The following KIAA1958 variants were observed in gnomAD, a reference collection of about 807,000 sequenced individuals.
The protein encoded by KIAA1958 is KIAA1958, also known as uncharacterized protein KIAA1958.
KIAA1958 carries 14 observed loss-of-function variants against 47.2 expected under a neutral mutation model. The ratio of observed to expected loss-of-function variants is 0.30; its 90% CI spans 0.20 to 0.46. The LOEUF (loss-of-function observed/expected upper bound fraction) is 0.46, where lower values mean the gene tolerates loss of function less well. Among genes scored for constraint, KIAA1958 ranks in the 20% least tolerant of loss-of-function variants. The probability of loss-of-function intolerance (pLI) is 1.00; values close to 1 mark genes in which losing one functional copy is unlikely to be tolerated. For synonymous variants in KIAA1958, 354 were observed against 353.3 expected (o/e 1.00, Z -0.02); for missense variants, 803 against 909.2 (o/e 0.88, Z 1.50).
rs562312214 is a variant in KIAA1958 at position 112,585,603 on chromosome 9, G to C, written c.1171+10352G>C. 9.9e-5 allele frequency among the ~76,000 whole-genome samples: 15 copies of C among 152,280 alleles called. No homozygotes were observed. In the South Asian group the frequency reaches 3.1e-3, roughly 32 times the overall value. On this transcript the variant is annotated intron_variant, in intron 2 of 3. Transcript: ENST00000337530. ...GGGGAAGTAGAGGCTGGGACAGGAG[G>C]GCTGTTTTATAGGGTGACAGTAATC...
At chr9:112,577,722 C>A (rs1835671537) in intron 2 of KIAA1958, among the ~76,000 whole-genome samples, 1 of 150,458 alleles carries the variant, frequency 6.6e-6, no homozygotes, top group Non-Finnish European at 1.5e-5. Context: ...TTTGCTAAAC[C>A]ATATATGAAT....
In KIAA1958 at chr9:112,574,376, T is replaced by TTGA; in HGVS notation, c.297_299dup (p.Val99_Glu100insAsp). 1 of 1,614,148 alleles carries TTGA rather than the reference T, an allele frequency of 6.2e-7. No homozygotes were observed. Among genetic ancestry groups the TTGA allele is most frequent in the Non-Finnish European group, 8.5e-7 (1 of 1,180,012 alleles). ...CCCTCTGAGACACAGACTAGCCCTG[T>TTGA]TGAAAGGTACCCTGGGAGACCAGTG... On this transcript the variant is annotated inframe_insertion, in exon 2 of 4. Coordinates refer to ENST00000337530, the MANE Select transcript of KIAA1958 (RefSeq NM_133465.4).
intron 2 of KIAA1958, among the ~76,000 whole-genome samples, chr9:112,605,387 T>C (rs1238992238): frequency 6.6e-6 from 1 of 152,144 alleles, no homozygotes; most frequent in Admixed American, 6.6e-5. Context: ...GCCTCTGACC[T>C]CCTGCTTCCA....
intron 2 of KIAA1958, among the ~76,000 whole-genome samples, chr9:112,614,639 A>C (rs1468081585): frequency 2.0e-5 from 3 of 152,296 alleles, no homozygotes; most frequent in African/African-American, 7.2e-5. Context: ...CAACCTCTTC[A>C]TGTAGCTCAT....
chr9:112,581,608 T>C (rs1318298272), intron 2 of KIAA1958, among the ~76,000 whole-genome samples: 3 of 152,142 alleles, frequency 2.0e-5, no homozygotes, highest in Non-Finnish European at 1.5e-5. Context: ...TAGAGCCTTA[T>C]TTCCCTCACT....
chr9:112,564,959 A>G (rs1835402873), intron 1 of KIAA1958, among the ~76,000 whole-genome samples: 1 of 152,050 alleles, frequency 6.6e-6, no homozygotes, highest in Non-Finnish European at 1.5e-5. Flanking sequence ...TCAAATTAGA[A>G]TTATTGATAA....
intron 1 of KIAA1958, among the ~76,000 whole-genome samples, chr9:112,550,341 A>T (rs951261582): frequency 1.3e-5 from 2 of 152,170 alleles, no homozygotes; most frequent in South Asian, 4.1e-4. Flanking sequence ...GAATCTATGT[A>T]AGGGAGGATA....
chr9:112,570,092 GTTC>G (rs758524135), intron 1 of KIAA1958, among the ~76,000 whole-genome samples: 4 of 152,220 alleles, frequency 2.6e-5, no homozygotes, highest in Non-Finnish European at 4.4e-5. Flanking sequence ...GCATGTGCTA[GTTC>G]TTCTGTGTTA....
At chr9:112,621,607 A>G (rs955108521) in intron 2 of KIAA1958, among the ~76,000 whole-genome samples, 1 of 152,174 alleles carries the variant, frequency 6.6e-6, no homozygotes, top group African/African-American at 2.4e-5. Context: ...ACAAATTGGG[A>G]ATGTGAATTA....
rs1316669776 is a variant in KIAA1958, at chr9:112,630,087, T to TG, written c.1172-15557dup. On this transcript the variant is annotated intron_variant, in intron 2 of 3. Coordinates refer to ENST00000337530, the MANE Select transcript of KIAA1958 (RefSeq NM_133465.4). ...GTGCAGTGTTTCTCACCACTGAAGT[T>TG]GGGGGGAAGCCCTGGAAGGGGAAGC... Among the ~76,000 whole-genome samples the TG allele has an allele frequency of 9.2e-5, 14 of 152,194 alleles. 1 individual carries two copies. The East Asian group carries it at 2.7e-3, about 29-fold the overall frequency.
At chr9:112,584,542 A>G (rs998975381) in intron 2 of KIAA1958, among the ~76,000 whole-genome samples, 13 of 152,236 alleles carry the variant, frequency 8.5e-5, no homozygotes, top group African/African-American at 2.4e-4. Context: ...TTTATGGACA[A>G]GGAATTTGAG....
chr9:112,523,466 A>AAATG (rs1166102737), intron 1 of KIAA1958, among the ~76,000 whole-genome samples: 2 of 151,774 alleles, frequency 1.3e-5, no homozygotes, highest in African/African-American at 4.8e-5. Flanking sequence ...ATAAATAAAT[A>AAATG]AAGCACCAAC....
chr9:112,612,820 AT>A (rs1380554726), intron 2 of KIAA1958, among the ~76,000 whole-genome samples: 5 of 152,218 alleles, frequency 3.3e-5, no homozygotes, highest in African/African-American at 1.2e-4. Context: ...AGGGATACCC[AT>A]TGCAGTGTTG....
At chr9:112,606,142 G>A (rs1423418054) in intron 2 of KIAA1958, among the ~76,000 whole-genome samples, 1 of 152,142 alleles carries the variant, frequency 6.6e-6, no homozygotes, top group Non-Finnish European at 1.5e-5. Context: ...GGGAGAGCAG[G>A]TATCAAGGAT....
At chr9:112,598,813 G>T (rs1464794174) in intron 2 of KIAA1958, among the ~76,000 whole-genome samples, 1 of 152,154 alleles carries the variant, frequency 6.6e-6, no homozygotes, top group Non-Finnish European at 1.5e-5. Flanking sequence ...GCTCACACCT[G>T]TAATCCTAGC....
chr9:112,512,589 C>G (rs1404068831), intron 1 of KIAA1958, among the ~76,000 whole-genome samples: 1 of 152,136 alleles, frequency 6.6e-6, no homozygotes. Context: ...TCAGATGACT[C>G]TGTCTCATCC....
At chr9:112,526,000 T>TCCTTCTCCTTCTTCTCCTTCTTCTCC (rs1491126829) in intron 1 of KIAA1958, among the ~76,000 whole-genome samples, 1 of 2,202 alleles carries the variant, frequency 4.5e-4, no homozygotes, top group Non-Finnish European at 7.8e-4. Flanking sequence ...CTTCTTCTTC[T>TCCTTCTCCTTCTTCTCCTTCTTCTCC]TTTTTTTTTT....
intron 2 of KIAA1958, among the ~76,000 whole-genome samples, chr9:112,641,327 C>CTTTTT (rs1230148640): frequency 9.8e-6 from 1 of 101,988 alleles, no homozygotes; most frequent in Non-Finnish European, 2.0e-5. Context: ...GAGACTATGT[C>CTTTTT]TTTTTTTTTT....
At chr9:112,617,883 G>A (rs948448977) in intron 2 of KIAA1958, 9 of 1,547,878 alleles carry the variant, frequency 5.8e-6, no homozygotes, top group Non-Finnish European at 7.9e-6. Context: ...CAGGATGAAA[G>A]AGCAGCTGAG....
Sources: allele counts gnomAD v4.1 joint callset (sites outside exome capture counted in the v4.1 genomes callset), GRCh38; gene constraint gnomAD v4.1.1; transcripts MANE v1.5; gene names NCBI Gene and HGNC (gene_info 2026-07-23, HGNC 2026-07-21).